TET1: variants seen among roughly 807,000 people sequenced by gnomAD.
The protein encoded by TET1 is methylcytosine dioxygenase TET1.
In TET1, 13 loss-of-function variants were observed where a neutral mutation model predicts 148.7. The observed-to-expected ratio is 0.09, with a 90% CI of 0.06 to 0.14. The LOEUF is 0.14. Among genes scored for constraint, TET1 ranks in the 10% least tolerant of loss-of-function variants. The pLI is 1.00. For synonymous variants in TET1, 907 were observed against 937.2 expected (o/e 0.97, Z 0.59); for missense variants, 2,182 against 2,553.8 (o/e 0.85, Z 3.14).
Position 68,573,943 on chromosome 10 carries a change from G to T in TET1, c.1605G>T (p.Gln535His). 6.2e-7 allele frequency: 1 copy of T among 1,614,172 alleles called. No homozygotes were observed. The highest frequency in any genetic ancestry group is 8.5e-7 in the Non-Finnish European group (1 of 1,180,038). ...CACTGGGTATAGCCCAACTCTCTCA[G>T]GCTGGTCCTAGCAAATCAGACAGAG... ...HASLGIAQLS[Q>H]AGPSKSDRGS... The change falls in exon 2 of 12, where the codon CAG becomes CAT. Residue 535 changes from glutamine (Q) to histidine (H), a missense_variant. By Grantham distance (24) the Gln-to-His change is conservative (BLOSUM62 0). Transcript: ENST00000373644.
chr10:68,653,894 G>A (rs1408348276), intron 6 of TET1, among the ~76,000 whole-genome samples: 1 of 152,024 alleles, frequency 6.6e-6, no homozygotes, highest in Admixed American at 6.6e-5. Flanking sequence ...ATCACCAGAG[G>A]TCAGGAGTTC....
intron 1 of TET1, among the ~76,000 whole-genome samples, chr10:68,566,657 A>C (rs1020299217): frequency 4.4e-4 from 67 of 152,308 alleles, no homozygotes; most frequent in African/African-American, 1.6e-3. Flanking sequence ...AAGACACATT[A>C]CATTGACTAA....
intron 1 of TET1, among the ~76,000 whole-genome samples, chr10:68,562,779 G>T (rs1219817591): frequency 6.6e-6 from 1 of 151,918 alleles, no homozygotes; most frequent in South Asian, 2.1e-4. Flanking sequence ...CATCTGATTT[G>T]TCTCCCCTCC....
rs571829514 is a variant in TET1 at position 68,585,580 on chromosome 10, A to T, written c.1914+11328A>T. Among the ~76,000 whole-genome samples the T allele has an allele frequency of 2.0e-5, 3 of 152,262 alleles. No homozygotes were observed. In the South Asian group the frequency reaches 6.2e-4, roughly 32 times the overall value. Reference sequence around the variant, plus strand: ...ATGGTCTGTGATCCCACCCCCTCAGAATTATATGCAGCATATTGCATTTAT... The same window carrying T: ...ATGGTCTGTGATCCCACCCCCTCAGTATTATATGCAGCATATTGCATTTAT... On this transcript the variant is annotated intron_variant, in intron 2 of 11. Transcript: ENST00000373644.
intron 3 of TET1, 44 bp downstream of exon 3, chr10:68,601,078 T>C (rs764252423): frequency 6.5e-7 from 1 of 1,534,662 alleles, no homozygotes; most frequent in Non-Finnish European, 8.8e-7. Flanking sequence ...TTTTTCCATT[T>C]CATATAGTAT....
intron 7 of TET1, among the ~76,000 whole-genome samples, chr10:68,668,981 G>GAGAC (rs1166813777): frequency 6.6e-6 from 1 of 150,904 alleles, no homozygotes; most frequent in Non-Finnish European, 1.5e-5. Context: ...CAAAAGGAGA[G>GAGAC]AGAGAGAGAG....
intron 6 of TET1, among the ~76,000 whole-genome samples, chr10:68,665,714 G>A (rs1341273144): frequency 6.6e-6 from 1 of 151,650 alleles, no homozygotes; most frequent in Non-Finnish European, 1.5e-5. Context: ...ATATAATTTT[G>A]CATTTGAGAT....
At chr10:68,661,503 G>C (rs1209348559) in intron 6 of TET1, among the ~76,000 whole-genome samples, 3 of 150,902 alleles carry the variant, frequency 2.0e-5, no homozygotes, top group African/African-American at 7.4e-5. Flanking sequence ...AAAATTTTCT[G>C]TTTTTTGAGA....
intron 6 of TET1, among the ~76,000 whole-genome samples, chr10:68,659,459 C>T (rs553751348): frequency 6.6e-6 from 1 of 152,172 alleles, no homozygotes; most frequent in South Asian, 2.1e-4. Context: ...GCTGGGATTA[C>T]AGGCGTGTGC....
intron 2 of TET1, among the ~76,000 whole-genome samples, chr10:68,574,841 G>T (rs2053710000): frequency 6.6e-6 from 1 of 152,136 alleles, no homozygotes; most frequent in Admixed American, 6.6e-5. Flanking sequence ...AAGGAAAATG[G>T]CTTGTAAACT....
chr10:68,607,793 T>C (rs2054146540), intron 3 of TET1, among the ~76,000 whole-genome samples: 1 of 148,450 alleles, frequency 6.7e-6, no homozygotes, highest in South Asian at 2.1e-4. Context: ...TATGAATATA[T>C]ATATTCTCTC....
At chr10:68,585,434 A>T (rs1027097985) in intron 2 of TET1, among the ~76,000 whole-genome samples, 2 of 152,116 alleles carry the variant, frequency 1.3e-5, no homozygotes, top group African/African-American at 4.8e-5. Context: ...GTGCCTGGCC[A>T]AGAATTTCTA....
intron 3 of TET1, among the ~76,000 whole-genome samples, chr10:68,602,133 A>T (rs1173796613): frequency 6.6e-6 from 1 of 152,218 alleles, no homozygotes; most frequent in Non-Finnish European, 1.5e-5. Flanking sequence ...TCAACCAACA[A>T]GTATTTATTT....
intron 3 of TET1, among the ~76,000 whole-genome samples, chr10:68,639,651 G>T (rs927387001): frequency 2.0e-5 from 3 of 151,972 alleles, no homozygotes; most frequent in Non-Finnish European, 4.4e-5. Flanking sequence ...AGTAGAGACC[G>T]AGTTTCACTA....
chr10:68,590,477 G>C (rs887035793), intron 2 of TET1, among the ~76,000 whole-genome samples: 4 of 152,122 alleles, frequency 2.6e-5, no homozygotes, highest in African/African-American at 4.8e-5. Flanking sequence ...TCTAATGTTA[G>C]TATTTCCCCC....
At chr10:68,637,289 C>T (rs1390493650) in intron 3 of TET1, among the ~76,000 whole-genome samples, 1 of 152,044 alleles carries the variant, frequency 6.6e-6, no homozygotes, top group African/African-American at 2.4e-5. Flanking sequence ...TGCTCCTGGC[C>T]AGCTTTCTTT....
chr10:68,620,638 C>G (rs564800720), intron 3 of TET1, among the ~76,000 whole-genome samples: 1 of 151,168 alleles, frequency 6.6e-6, no homozygotes, highest in East Asian at 2.0e-4. Flanking sequence ...TATAGTCATT[C>G]ATGTGGAACT....
Position 68,646,314 on chromosome 10 carries a change from T to C in TET1, c.3585T>C (p.Phe1195=). Reference sequence around the variant, plus strand: ...GCGACATTTGGATAGCATCGAAATTTCAAAATTTTGGGCAATTTTGTCCAC... The same window carrying C: ...GCGACATTTGGATAGCATCGAAATTCCAAAATTTTGGGCAATTTTGTCCAC... The part of the protein sequence containing the change: ...TICDIWIASK[F]QNFGQFCPHD... The change falls in exon 4 of 12, where the codon TTT becomes TTC. Residue 1195 remains phenylalanine, a synonymous_variant. Coordinates refer to ENST00000373644, the MANE Select transcript of TET1 (RefSeq NM_030625.3). 6.2e-7 allele frequency: 1 copy of C among 1,614,166 alleles called. No individual in the cohort carries two copies. Among genetic ancestry groups the C allele is most frequent in the South Asian group, 1.1e-5 (1 of 91,078 alleles).
intron 2 of TET1, among the ~76,000 whole-genome samples, chr10:68,581,733 T>A (rs34616863): frequency 0.031 from 4,688 of 152,002 alleles, 114 homozygotes; most frequent in Non-Finnish European, 0.045. Context: ...TAGTACCAGC[T>A]TCTCGGGAGG....
Sources: allele counts gnomAD v4.1 joint callset (sites outside exome capture counted in the v4.1 genomes callset), GRCh38; gene constraint gnomAD v4.1.1; transcripts MANE v1.5; gene names NCBI Gene and HGNC (gene_info 2026-07-23, HGNC 2026-07-21).